The following PHACTR1 variants were observed in gnomAD, a reference collection of about 807,000 sequenced individuals.
The protein encoded by PHACTR1 is phosphatase and actin regulator 1, also known as RPEL repeat containing 1.
Under a neutral mutation model 69.2 loss-of-function variants are expected in PHACTR1, and 16 were observed. The ratio of observed to expected loss-of-function variants is 0.23; its 90% CI spans 0.16 to 0.35. The LOEUF is 0.35. PHACTR1 is among the 10% of genes least tolerant of loss of function. PHACTR1 has a pLI of 1.00. For synonymous variants in PHACTR1, 312 were observed against 284.5 expected, an observed-to-expected ratio of 1.10 and a Z score of -0.97; for missense variants, 510 against 734.7, an observed-to-expected ratio of 0.69 and a Z score of 3.54.
Position 12,749,668 on chromosome 6 carries a change from C to G in PHACTR1, c.128C>G (p.Pro43Arg). 6.2e-7 allele frequency: 1 copy of G among 1,612,182 alleles called. No homozygotes were observed. Among genetic ancestry groups the G allele is most frequent in the Non-Finnish European group, 8.5e-7 (1 of 1,179,620 alleles). ...AQARRATLLL[P>R]PTLMAASSED... ...GCTCGCCGGGCGACCCTGCTCCTGC[C>G]TCCCACATTAATGGCGGCATCCTCG... is the stretch of plus-strand genomic sequence containing the variant. Residue 43 changes from proline to arginine, a missense_variant, in exon 4 of 15, where the codon CCT (proline) becomes CGT (arginine). Physicochemically the swap from Pro to Arg is moderately radical, Grantham distance 103. Around this residue, in one of 2 missense-constraint regions of PHACTR1, gnomAD observed 419 missense variants for 530.9 expected, o/e 0.79. Coordinates refer to ENST00000332995, the MANE Select transcript of PHACTR1 (RefSeq NM_030948.6).
At chr6:12,725,641 G>A (rs981774874) in intron 3 of PHACTR1, among the ~76,000 whole-genome samples, 1 of 152,164 alleles carries the variant, frequency 6.6e-6, no homozygotes, top group Non-Finnish European at 1.5e-5. Flanking sequence ...AATTAAGTGA[G>A]GTATGCCTAT....
In PHACTR1 at chr6:13,203,633, G is replaced by T. The variant is rs1421759767; in HGVS notation, c.665-2182G>T. ...CAAGGAAGGCTTTTCAGGGGTGATT[G>T]TTTGTGAGGTGGATCTTGAAGGGCG... On this transcript the variant is annotated intron_variant, in intron 7 of 14. Coordinates refer to ENST00000332995, the MANE Select transcript of PHACTR1 (RefSeq NM_030948.6). Among the ~76,000 whole-genome samples the T allele has an allele frequency of 2.6e-5, 4 of 152,188 alleles. No individual in the cohort carries two copies. The East Asian group carries it at 7.7e-4, about 29-fold the overall frequency.
chr6:13,141,456 C>T (rs1329466391), intron 5 of PHACTR1, among the ~76,000 whole-genome samples: 1 of 152,178 alleles, frequency 6.6e-6, no homozygotes, highest in Non-Finnish European at 1.5e-5. Flanking sequence ...TTCCACTATG[C>T]GTGTGACATT....
chr6:12,898,261 G>A (rs1277553059), intron 4 of PHACTR1, among the ~76,000 whole-genome samples: 1 of 151,864 alleles, frequency 6.6e-6, no homozygotes, highest in African/African-American at 2.4e-5. Flanking sequence ...CTCTTCTCTG[G>A]AAAGCTTCCC....
chr6:13,092,486 C>T (rs1813450595), intron 5 of PHACTR1, among the ~76,000 whole-genome samples: 1 of 152,178 alleles, frequency 6.6e-6, no homozygotes, highest in East Asian at 1.9e-4. Flanking sequence ...ATCTCAATGT[C>T]AGAAGCCAGG....
intron 4 of PHACTR1, among the ~76,000 whole-genome samples, chr6:12,926,198 T>C (rs1788253141): frequency 6.6e-6 from 1 of 152,204 alleles, no homozygotes; most frequent in Non-Finnish European, 1.5e-5. Flanking sequence ...CGTCTAGAAT[T>C]ATGGCTACCA....
chr6:13,011,165 A>T (rs1210673726), intron 4 of PHACTR1, among the ~76,000 whole-genome samples: 1 of 152,250 alleles, frequency 6.6e-6, no homozygotes, highest in Non-Finnish European at 1.5e-5. Flanking sequence ...GCATGGTTTC[A>T]TACAACTTTC....
At chr6:13,119,090 C>T (rs898321875) in intron 5 of PHACTR1, among the ~76,000 whole-genome samples, 5 of 152,172 alleles carry the variant, frequency 3.3e-5, no homozygotes, top group Non-Finnish European at 5.9e-5. Context: ...CAGCCTCTCT[C>T]TTTATCTACC....
chr6:12,860,253 G>A (rs924847429), intron 4 of PHACTR1, among the ~76,000 whole-genome samples: 1 of 151,948 alleles, frequency 6.6e-6, no homozygotes. Context: ...GTGGTGTTTC[G>A]TTTTCTGTTC....
rs138221523 is a variant in PHACTR1, at chr6:13,231,044, A to G, written c.1391+851A>G. Among the ~76,000 whole-genome samples, 392 of 69,526 alleles carry G rather than the reference A, an allele frequency of 5.6e-3. 20 individuals are homozygous for G. Among genetic ancestry groups the G allele is most frequent in the African/African-American group, 0.023 (352 of 15,108 alleles). 45.6% of individuals were successfully genotyped at this position (69,526 alleles called of 152,430 possible). ...GAAAGAAAGAAAGAGAGAGAGAGAGAAAGGAAGGAAGGAAGGAAGGAAGGA... is the reference window on the plus strand; with the variant it reads ...GAAAGAAAGAAAGAGAGAGAGAGAGGAAGGAAGGAAGGAAGGAAGGAAGGA... On this transcript the variant is annotated intron_variant, in intron 10 of 14. Transcript: ENST00000332995.
intron 4 of PHACTR1, among the ~76,000 whole-genome samples, chr6:12,843,780 G>A (rs1778928255): frequency 6.6e-6 from 1 of 152,218 alleles, no homozygotes; most frequent in Non-Finnish European, 1.5e-5. Context: ...TAGTAGGTAT[G>A]ACATGTGGTA....
chr6:13,009,164 A>G (rs1019977654), intron 4 of PHACTR1, among the ~76,000 whole-genome samples: 3 of 152,196 alleles, frequency 2.0e-5, no homozygotes, highest in African/African-American at 7.2e-5. Flanking sequence ...TTTAGAACCC[A>G]CGCAGAGAAT....
At chr6:12,797,371 G>T (rs1018494950) in intron 4 of PHACTR1, among the ~76,000 whole-genome samples, 1 of 152,084 alleles carries the variant, frequency 6.6e-6, no homozygotes, top group Non-Finnish European at 1.5e-5. Flanking sequence ...TTTCAATCTG[G>T]TCATCAGTAC....
chr6:13,156,241 A>G (rs915622836), intron 5 of PHACTR1, among the ~76,000 whole-genome samples: 19 of 152,212 alleles, frequency 1.2e-4, no homozygotes, highest in Admixed American at 1.0e-3. Context: ...CATGCTTCTC[A>G]AAATAATCTG....
At chr6:13,276,055 G>C (rs1329822576) in intron 11 of PHACTR1, 1 of 150,270 alleles carries the variant, frequency 6.7e-6, no homozygotes, top group Non-Finnish European at 1.5e-5. Context: ...ATCTCTACTA[G>C]ATTAATTCAT....
chr6:13,039,104 A>G (rs1223693817), intron 4 of PHACTR1, among the ~76,000 whole-genome samples: 1 of 152,218 alleles, frequency 6.6e-6, no homozygotes, highest in East Asian at 1.9e-4. Context: ...GTATTCACTA[A>G]ATAGAAGAAT....
At chr6:13,278,381 C>T in intron 12 of PHACTR1, 52 bp downstream of exon 12, 1 of 1,522,204 alleles carries the variant, frequency 6.6e-7, no homozygotes. Flanking sequence ...GGGCTGCCTG[C>T]CACACCTCTG....
intron 5 of PHACTR1, among the ~76,000 whole-genome samples, chr6:13,103,042 T>G (rs938089745): frequency 1.3e-5 from 2 of 152,220 alleles, no homozygotes; most frequent in African/African-American, 4.8e-5. Context: ...TGCCTCGGCT[T>G]GAATTGATTG....
chr6:13,207,874 C>T (rs970043343), intron 8 of PHACTR1, among the ~76,000 whole-genome samples: 5 of 151,788 alleles, frequency 3.3e-5, no homozygotes, highest in East Asian at 1.9e-4. Flanking sequence ...GCGGGAGCTT[C>T]GGGTTGTGTT....
Sources: allele counts gnomAD v4.1 joint callset (sites outside exome capture counted in the v4.1 genomes callset), GRCh38; gene constraint gnomAD v4.1.1; regional missense constraint gnomAD v4.1.1; transcripts MANE v1.5; gene names NCBI Gene and HGNC (gene_info 2026-07-23, HGNC 2026-07-21).